GRM8: variants seen among roughly 807,000 people sequenced by gnomAD.
GRM8 encodes glutamate metabotropic receptor 8.
GRM8 carries 47 observed loss-of-function variants against 87.2 expected under a neutral mutation model. That is an observed-to-expected ratio of 0.54 (90% CI 0.43 to 0.69). GRM8 has a LOEUF of 0.69. GRM8 is among the 30% of genes least tolerant of loss of function. The pLI, the probability that GRM8 is intolerant of heterozygous loss-of-function variation, is 0.00. For synonymous variants in GRM8, 396 were observed against 404.5 expected (o/e 0.98, Z 0.25); for missense variants, 1,019 against 1,139.2 (o/e 0.89, Z 1.52).
intron 6 of GRM8, among the ~76,000 whole-genome samples, chr7:126,783,550 G>A (rs1224338272): frequency 2.0e-5 from 3 of 152,084 alleles, no homozygotes; most frequent in Admixed American, 1.3e-4. Context: ...ATAGGCCATG[G>A]CCTATTAGTG....
At chr7:127,144,601 A>C (rs1332465724) in intron 2 of GRM8, among the ~76,000 whole-genome samples, 1 of 152,166 alleles carries the variant, frequency 6.6e-6, no homozygotes, top group African/African-American at 2.4e-5. Flanking sequence ...GCATAGTTCT[A>C]TATGTTGTTT....
At chr7:127,242,206 T>A (rs575233321) in intron 2 of GRM8, among the ~76,000 whole-genome samples, 38 of 151,780 alleles carry the variant, frequency 2.5e-4, no homozygotes, top group Non-Finnish European at 4.1e-4. Flanking sequence ...TCCCAGAGTG[T>A]CACTCCCATC....
intron 2 of GRM8, among the ~76,000 whole-genome samples, chr7:127,226,253 GCC>G (rs1797313823): frequency 6.6e-6 from 1 of 152,022 alleles, no homozygotes; most frequent in Non-Finnish European, 1.5e-5. Context: ...CACTCCCCCA[GCC>G]CATGATATAA....
At chr7:126,620,941 A>G (rs1800101951) in intron 7 of GRM8, among the ~76,000 whole-genome samples, 1 of 152,180 alleles carries the variant, frequency 6.6e-6, no homozygotes, top group South Asian at 2.1e-4. Flanking sequence ...TCATGCTACC[A>G]AAACCTTATT....
intron 2 of GRM8, among the ~76,000 whole-genome samples, chr7:127,132,434 A>G (rs995063950): frequency 6.6e-6 from 1 of 151,858 alleles, no homozygotes; most frequent in Admixed American, 6.6e-5. Flanking sequence ...CATTTCTCAA[A>G]TATTTACTGA....
chr7:126,544,523 T>C (rs921540839), intron 8 of GRM8, among the ~76,000 whole-genome samples: 1 of 152,030 alleles, frequency 6.6e-6, no homozygotes, highest in Non-Finnish European at 1.5e-5. Flanking sequence ...TTATTATTAT[T>C]ATTTTGAGAC....
intron 2 of GRM8, among the ~76,000 whole-genome samples, chr7:127,134,500 A>T (rs912276480): frequency 7.9e-5 from 12 of 152,184 alleles, no homozygotes; most frequent in African/African-American, 9.7e-5. Flanking sequence ...AAGTGTGAGA[A>T]CCAAATGGGA....
rs1801153848 is a variant in GRM8, at chr7:126,439,098, A to G, written c.*21T>C. The G allele has an allele frequency of 6.8e-7, 1 of 1,465,902 alleles. No individual in the cohort carries two copies. The highest frequency in any genetic ancestry group is 9.6e-7 in the Non-Finnish European group (1 of 1,045,134). 90.8% of individuals were successfully genotyped at this position (1,465,902 alleles called of 1,614,324 possible). A position where few individuals can be genotyped will look rare whatever the true frequency, so the allele number is the denominator to read the frequency against. ...TTAAGATCATATACCACATCTCTTC[A>G]GATTGTGCCATTTCCCTGTTTCAGA... On this transcript the variant is annotated 3_prime_UTR_variant, in exon 11 of 11. Transcript: ENST00000339582.
chr7:126,818,969 C>T (rs1481754817), intron 6 of GRM8, among the ~76,000 whole-genome samples: 1 of 152,066 alleles, frequency 6.6e-6, no homozygotes, highest in Non-Finnish European at 1.5e-5. Context: ...CTGTCACTTC[C>T]ACCTTCTGAG....
In GRM8 at chr7:126,633,431, G is replaced by A. The variant is rs781279183; in HGVS notation, c.1358-23933C>T. Reference sequence around the variant, plus strand: ...TGTGTGTGTTCAACAATTGATGAGCGCTAGCATCAATGCTCCTGAAGATCT... The same window carrying A: ...TGTGTGTGTTCAACAATTGATGAGCACTAGCATCAATGCTCCTGAAGATCT... On this transcript the variant is annotated intron_variant, in intron 7 of 10. Coordinates refer to ENST00000339582, the MANE Select transcript of GRM8 (RefSeq NM_000845.3). Among the ~76,000 whole-genome samples, 17 of 152,248 alleles carry A rather than the reference G, an allele frequency of 1.1e-4. No homozygotes were observed. The South Asian group carries it at 1.5e-3, about 13-fold the overall frequency.
intron 3 of GRM8, among the ~76,000 whole-genome samples, chr7:127,066,845 T>C (rs1034684922): frequency 6.6e-6 from 1 of 152,208 alleles, no homozygotes; most frequent in South Asian, 2.1e-4. Flanking sequence ...TTTTCTTCGA[T>C]TAGATGAATC....
chr7:126,894,769 A>T (rs1453662288), intron 6 of GRM8, among the ~76,000 whole-genome samples: 1 of 152,058 alleles, frequency 6.6e-6, no homozygotes, highest in Non-Finnish European at 1.5e-5. Flanking sequence ...GCAGGAAAGG[A>T]TGAAGGAAAG....
intron 3 of GRM8, among the ~76,000 whole-genome samples, chr7:127,072,990 C>T (rs11973117): frequency 2.0e-5 from 3 of 150,626 alleles, no homozygotes; most frequent in Non-Finnish European, 3.0e-5. Context: ...TTTCCCTTTT[C>T]CTTCAAAAAG....
chr7:126,549,617 C>T (rs1353574775), intron 8 of GRM8, among the ~76,000 whole-genome samples: 5 of 151,906 alleles, frequency 3.3e-5, no homozygotes, highest in African/African-American at 4.8e-5. Flanking sequence ...TAAAAAGAAG[C>T]GTAATACTTT....
chr7:127,090,434 C>T (rs1425835924), intron 3 of GRM8, among the ~76,000 whole-genome samples: 1 of 152,148 alleles, frequency 6.6e-6, no homozygotes, highest in East Asian at 1.9e-4. Context: ...ATGTTACATA[C>T]CTGGAACATT....
At chr7:126,842,963 T>C (rs532914146) in intron 6 of GRM8, among the ~76,000 whole-genome samples, 48 of 152,200 alleles carry the variant, frequency 3.2e-4, no homozygotes, top group African/African-American at 1.1e-3. Flanking sequence ...AGGGAACTAA[T>C]ACAATTGTGA....
At chr7:126,455,572 T>G (rs1803137113) in intron 9 of GRM8, among the ~76,000 whole-genome samples, 1 of 151,784 alleles carries the variant, frequency 6.6e-6, no homozygotes, top group Non-Finnish European at 1.5e-5. Flanking sequence ...CAGCTCTGGC[T>G]TTCTTATAAT....
At chr7:126,651,877 C>A (rs540501533) in intron 7 of GRM8, among the ~76,000 whole-genome samples, 1 of 152,178 alleles carries the variant, frequency 6.6e-6, no homozygotes, top group African/African-American at 2.4e-5. Context: ...TACAACAGCC[C>A]AATCCAGGCA....
chr7:126,852,135 C>T (rs752041280), intron 6 of GRM8, among the ~76,000 whole-genome samples: 12 of 152,126 alleles, frequency 7.9e-5, no homozygotes, highest in Non-Finnish European at 1.6e-4. Flanking sequence ...AGATGTCTAC[C>T]TGTCGTGTAT....
Sources: gnomAD v4.1 joint callset for allele counts (sites outside exome capture counted in the v4.1 genomes callset) on GRCh38, gnomAD v4.1.1 for gene constraint, MANE v1.5 for transcripts, NCBI Gene and HGNC (gene_info 2026-07-23, HGNC 2026-07-21) for gene names.